The following RB1 variants were observed in gnomAD, a reference collection of about 807,000 sequenced individuals.
RB1 encodes the protein retinoblastoma-associated protein.
A neutral mutation model predicts 135.4 loss-of-function variants in RB1; 18 were observed. The ratio of observed to expected loss-of-function variants is 0.13; its 90% CI spans 0.09 to 0.20. The LOEUF (loss-of-function observed/expected upper bound fraction) is 0.20, where lower values mean the gene tolerates loss of function less well. RB1 is among the 10% of genes least tolerant of loss of function. The pLI is 1.00. For synonymous variants in RB1, 365 were observed against 373.2 expected (o/e 0.98, Z 0.25); for missense variants, 868 against 1,110.0 (o/e 0.78, Z 3.10).
chr13:48,453,224 A>G, intron 18 of RB1, 113 bp downstream of exon 18: 1 of 1,106,796 alleles, frequency 9.0e-7, no homozygotes, highest in East Asian at 2.4e-5. Flanking sequence ...GAATAAGAAT[A>G]GTTTCTGTTT....
In RB1 at chr13:48,473,508, T is replaced by G. The variant is rs569942102; in HGVS notation, c.2520+118T>G. ...ATTCAAACACCTCATCCAGGCATATTGCATAGAATTTTATGAGATATATAT... is the reference window on the plus strand; with the variant it reads ...ATTCAAACACCTCATCCAGGCATATGGCATAGAATTTTATGAGATATATAT... On this transcript the variant is annotated intron_variant, in intron 24 of 26. Transcript: ENST00000267163. 44 of 814,658 alleles carry G rather than the reference T, an allele frequency of 5.4e-5. No homozygotes were observed. In the African/African-American group the frequency reaches 6.9e-4, roughly 13 times the overall value. 50.5% of individuals were successfully genotyped at this position (814,658 alleles called of 1,614,324 possible). A position where few individuals can be genotyped will look rare whatever the true frequency, so the allele number is the denominator to read the frequency against.
chr13:48,338,611 A>G (rs953118646), intron 2 of RB1, among the ~76,000 whole-genome samples: 1 of 152,046 alleles, frequency 6.6e-6, no homozygotes, highest in East Asian at 1.9e-4. Flanking sequence ...TAGCTTCTTT[A>G]TGTTGGGTTA....
chr13:48,307,000 C>T (rs948759675), intron 1 of RB1, among the ~76,000 whole-genome samples: 1 of 152,170 alleles, frequency 6.6e-6, no homozygotes, highest in African/African-American at 2.4e-5. Flanking sequence ...CATTTACTTT[C>T]CTTCACAGAA....
At chr13:48,396,747 A>G (rs1948651863) in intron 17 of RB1, among the ~76,000 whole-genome samples, 1 of 152,250 alleles carries the variant, frequency 6.6e-6, no homozygotes, top group African/African-American at 2.4e-5. Flanking sequence ...CAATGTATCC[A>G]TCTGACAAAG....
intron 2 of RB1, among the ~76,000 whole-genome samples, chr13:48,332,706 A>G (rs1258964100): frequency 1.4e-4 from 21 of 152,230 alleles, no homozygotes; most frequent in Non-Finnish European, 3.1e-4. Flanking sequence ...TCCTTACGAC[A>G]TACACACAGA....
At chr13:48,478,329 ATAAC>A (rs1471544520) in intron 26 of RB1, among the ~76,000 whole-genome samples, 6 of 152,244 alleles carry the variant, frequency 3.9e-5, no homozygotes, top group East Asian at 1.9e-4. Flanking sequence ...TTAAAACTAA[ATAAC>A]TAAAACAAAA....
intron 2 of RB1, 28 bp from the exon 3 acceptor site, chr13:48,342,571 A>G: frequency 7.6e-7 from 1 of 1,317,900 alleles, no homozygotes; most frequent in Non-Finnish European, 1.1e-6. Context: ...ATTTAATGAA[A>G]TATTTGATCT....
intron 19 of RB1, among the ~76,000 whole-genome samples, chr13:48,459,124 C>T (rs762601553): frequency 1.3e-4 from 20 of 152,146 alleles, no homozygotes; most frequent in Non-Finnish European, 2.2e-4. Flanking sequence ...TCCACTACTT[C>T]CCACCTCTGC....
At chr13:48,473,478 C>T in intron 24 of RB1, 88 bp downstream of exon 24, 12 of 1,187,662 alleles carry the variant, frequency 1.0e-5, no homozygotes, top group Non-Finnish European at 1.5e-5. Flanking sequence ...TTTCCAAATG[C>T]AGTTATTCAA....
chr13:48,323,964 T>C (rs181645944), intron 2 of RB1, among the ~76,000 whole-genome samples: 110 of 152,244 alleles, frequency 7.2e-4, no homozygotes, highest in African/African-American at 2.0e-3. Context: ...TTCACAATTA[T>C]AAGTAAATAA....
At chr13:48,328,354 TGG>T (rs1952305378) in intron 2 of RB1, 1 of 1,551,942 alleles carries the variant, frequency 6.4e-7, no homozygotes, top group Non-Finnish European at 8.9e-7. Flanking sequence ...CCAAGTTTGA[TGG>T]ATATGGGTGA....
At chr13:48,461,033 A>C (rs945871484) in intron 20 of RB1, among the ~76,000 whole-genome samples, 1 of 152,186 alleles carries the variant, frequency 6.6e-6, no homozygotes, top group Admixed American at 6.5e-5. Flanking sequence ...TTCACACACC[A>C]TAAAAACCAC....
chr13:48,388,435 T>G (rs979271650), intron 17 of RB1, among the ~76,000 whole-genome samples: 1 of 152,202 alleles, frequency 6.6e-6, no homozygotes, highest in African/African-American at 2.4e-5. Context: ...AGGCTAAGAT[T>G]ATGGACCATA....
intron 2 of RB1, chr13:48,316,792 C>T (rs1189990368): frequency 9.3e-6 from 2 of 214,110 alleles, no homozygotes; most frequent in Non-Finnish European, 9.5e-6. Flanking sequence ...CACGGATACA[C>T]GCACAGATAC....
intron 19 of RB1, among the ~76,000 whole-genome samples, chr13:48,457,516 G>A (rs1349351302): frequency 6.6e-6 from 1 of 152,206 alleles, no homozygotes; most frequent in African/African-American, 2.4e-5. Flanking sequence ...CTGTCCGTGG[G>A]ACTGGCAGCG....
chr13:48,415,325 G>A (rs1948890439), intron 17 of RB1, among the ~76,000 whole-genome samples: 1 of 151,068 alleles, frequency 6.6e-6, no homozygotes, highest in Non-Finnish European at 1.5e-5. Flanking sequence ...TGCCGCCCAG[G>A]CTGGAGTGCA....
In RB1 at chr13:48,480,851, A is replaced by G. The variant is rs982171614; in HGVS notation, c.*780A>G. The G allele has an allele frequency of 4.4e-6, 1 of 227,696 alleles. No individual in the cohort carries two copies. The highest frequency in any genetic ancestry group is 2.2e-5 in the African/African-American group (1 of 45,096). The allele number at this position is 227,696 out of a possible 1,614,324, so 14.1% of individuals were successfully genotyped here. On this transcript the variant is annotated 3_prime_UTR_variant, in exon 27 of 27. Coordinates refer to ENST00000267163, the MANE Select transcript of RB1 (RefSeq NM_000321.3). ...TGATAGTACTCTTGGTTTTTATACCATTCAGATCACTGAATTTATAAAGTA... is the reference window on the plus strand; with the variant it reads ...TGATAGTACTCTTGGTTTTTATACCGTTCAGATCACTGAATTTATAAAGTA...
chr13:48,355,115 A>G (rs1196287079), intron 6 of RB1, among the ~76,000 whole-genome samples: 1 of 152,074 alleles, frequency 6.6e-6, no homozygotes, highest in Non-Finnish European at 1.5e-5. Context: ...GATACAATGA[A>G]TGAAGTGAAG....
chr13:48,465,019 A>G lies in RB1; in HGVS notation c.2233A>G (p.Lys745Glu). 1.3e-6 allele frequency: 2 copies of G among 1,597,466 alleles called. No homozygotes were observed. Among genetic ancestry groups the G allele is most frequent in the South Asian group, 1.1e-5 (1 of 89,720 alleles). Residue 745 changes from lysine (K) to glutamate (E), a missense_variant, in exon 22 of 27, where the codon AAA becomes GAA. Physicochemically the swap from Lys to Glu is moderately conservative, Grantham distance 56. Transcript: ENST00000267163. ...VQETFKRVLI[K>E]EEEYDSIIVF... ...TCAGACATTCAAACGTGTTTTGATCAAAGAAGAGGAGTATGATTCTATTAT... is the reference window on the plus strand; with the variant it reads ...TCAGACATTCAAACGTGTTTTGATCGAAGAAGAGGAGTATGATTCTATTAT...
Sources: gnomAD v4.1 joint callset for allele counts (sites outside exome capture counted in the v4.1 genomes callset) on GRCh38, gnomAD v4.1.1 for gene constraint, MANE v1.5 for transcripts, NCBI Gene and HGNC (gene_info 2026-07-23, HGNC 2026-07-21) for gene names.